DDX41: variants seen among roughly 807,000 people sequenced by gnomAD.
DDX41 encodes DEAD-box helicase 41, also known as probable ATP-dependent RNA helicase DDX41.
Under a neutral mutation model 78.8 loss-of-function variants are expected in DDX41, and 50 were observed. The observed-to-expected ratio is 0.63, with a 90% CI of 0.51 to 0.80. The LOEUF (loss-of-function observed/expected upper bound fraction) is 0.80. DDX41 is among the 30% of genes least tolerant of loss of function. The probability of loss-of-function intolerance (pLI) is 0.00; values close to 1 mark genes in which losing one functional copy is unlikely to be tolerated. For synonymous variants in DDX41, 381 were observed against 321.5 expected, an observed-to-expected ratio of 1.19 and a Z score of -1.98; for missense variants, 633 against 849.2, an observed-to-expected ratio of 0.75 and a Z score of 3.16.
In DDX41 at chr5:177,513,669, C is replaced by T. The variant is rs763267317; in HGVS notation, c.1098+16G>A. On this transcript the variant is annotated intron_variant, in intron 10 of 16. Transcript: ENST00000330503. The surrounding 1 kb of genome is among the most constrained non-coding windows in gnomAD (Gnocchi z 4.6). The stretch of plus-strand genomic sequence containing the variant: ...GGGGGGCGGTGCAGGGTGCCCTGGC[C>T]GGGCGGGGGCGGCACCTTGAAGTAG... The T allele has an allele frequency of 6.2e-6, 10 of 1,612,430 alleles. No individual in the cohort carries two copies. The East Asian group carries it at 8.9e-5, about 14-fold the overall frequency.
chr5:177,514,134 G>A lies in DDX41; in HGVS notation c.936-287C>T, dbSNP rs1168949917. 1.5e-5 allele frequency: 9 copies of A among 603,860 alleles called. No individual in the cohort carries two copies. The highest frequency in any genetic ancestry group is 3.5e-5 in the East Asian group (1 of 28,230). The allele number at this position is 603,860 out of a possible 1,614,324, so 37.4% of individuals were successfully genotyped here. A position where few individuals can be genotyped will look rare whatever the true frequency, so the allele number is the denominator to read the frequency against. ...GCTCCAGAGGCTTTACTCTGGGCTCGCTTTCCTGGCCCACTGGCTTCACCT... is the reference window on the plus strand; with the variant it reads ...GCTCCAGAGGCTTTACTCTGGGCTCACTTTCCTGGCCCACTGGCTTCACCT... On this transcript the variant is annotated intron_variant, in intron 9 of 16. Transcript: ENST00000330503. The surrounding 1 kb of genome is among the most constrained non-coding windows in gnomAD (Gnocchi z 4.2).
Position 177,516,842 on chromosome 5 carries a change from G to C in DDX41, c.28-7C>G, listed in dbSNP as rs770723513. ...CCTCGTCGGTGCGAGCCCGCTGCAA[G>C]CACACGCCAGTCAGGCACGGCCTGC... On this transcript the variant is annotated splice_polypyrimidine_tract_variant and splice_region_variant and intron_variant, in intron 1 of 16. Coordinates refer to ENST00000330503, the MANE Select transcript of DDX41 (RefSeq NM_016222.4). 2.5e-6 allele frequency: 4 copies of C among 1,612,978 alleles called. No individual in the cohort carries two copies. Among genetic ancestry groups the C allele is most frequent in the Non-Finnish European group, 3.4e-6 (4 of 1,179,946 alleles).
Position 177,515,186 on chromosome 5 carries a change from A to G in DDX41, c.644T>C (p.Ile215Thr), listed in dbSNP as rs369566052. The G allele has an allele frequency of 4.0e-5, 65 of 1,613,810 alleles. No individual in the cohort carries two copies. The highest frequency in any genetic ancestry group is 5.0e-5 in the Non-Finnish European group (59 of 1,180,006). Residue 215 changes from isoleucine to threonine, a missense_variant and splice_region_variant, in exon 7 of 17, where the codon ATT becomes ACT. Physicochemically the swap from Ile to Thr is moderately conservative, Grantham distance 89. This residue lies in a region of DDX41 where 126 missense variants were observed against 115.5 expected (regional missense o/e 1.09). Transcript: ENST00000330503. The stretch of plus-strand genomic sequence containing the variant: ...CCCCAGGTCCACAGTCCACACTCAC[A>G]TGGTGGGGATGCCCTGGATCTGAAT... ...TPIQIQGIPT[I>T]LSGRDMIGIA...
chr5:177,516,961 T>G lies in DDX41; in HGVS notation c.-16A>C. 2 of 1,607,318 alleles carry G rather than the reference T, an allele frequency of 1.2e-6. No homozygotes were observed. The highest frequency in any genetic ancestry group is 1.7e-6 in the Non-Finnish European group (2 of 1,175,408). On this transcript the variant is annotated 5_prime_UTR_variant, in exon 1 of 17. An upstream start codon of the reference 5' UTR is lost. Coordinates refer to ENST00000330503, the MANE Select transcript of DDX41 (RefSeq NM_016222.4). ...ACTCCTCCATTCTTTGCTGCACGCA[T>G]GCGCGCCACGGCGAAACCCCGCCTC... is the stretch of plus-strand genomic sequence containing the variant.
Position 177,513,014 on chromosome 5 carries a change from CG to C in DDX41, c.1298del (p.Pro433ArgfsTer28). 6.2e-7 allele frequency: 1 copy of C among 1,613,610 alleles called. No homozygotes were observed. The highest frequency in any genetic ancestry group is 8.5e-7 in the Non-Finnish European group (1 of 1,179,758). The part of the protein sequence containing the change: ...YLLECLQKTP[P>X]PVLIFAEKKA... ...GGCCTGGCCTGGCTGCACTCACAGGCGGGGGTGTCTTCTGCAGGCACTCGAG... is the reference window on the plus strand; with the variant it reads ...GGCCTGGCCTGGCTGCACTCACAGGCGGGGTGTCTTCTGCAGGCACTCGAG... On this transcript the variant is annotated frameshift_variant, in exon 12 of 17. Coordinates refer to ENST00000330503, the MANE Select transcript of DDX41 (RefSeq NM_016222.4). LOFTEE classifies it high-confidence loss of function. This position sits in a 1 kb window ranked among gnomAD's most constrained non-coding sequence, Gnocchi z 4.6.
In DDX41 at chr5:177,513,470, G is replaced by A. The variant is rs1561732148; in HGVS notation, c.1113C>T (p.Thr371=). 16 of 1,614,180 alleles carry A rather than the reference G, an allele frequency of 9.9e-6. No homozygotes were observed. The highest frequency in any genetic ancestry group is 2.2e-5 in the East Asian group (1 of 44,882). Residue 371 remains threonine (T), a synonymous_variant, in exon 11 of 17, where the codon ACC becomes ACT. Transcript: ENST00000330503. The surrounding 1 kb of genome is among the most constrained non-coding windows in gnomAD (Gnocchi z 4.6). ...IFSYFKGQRQ[T]LLFSATMPKK... is the part of the protein sequence containing the mutation. ...TCGGCATGGTGGCACTGAAGAGCAG[G>A]GTCTGTCGCTGGCCCTGAGGAAGAG...
Position 177,513,670 on chromosome 5 carries a change from G to A in DDX41, c.1098+15C>T, listed in dbSNP as rs565931751. 14 of 1,612,850 alleles carry A rather than the reference G, an allele frequency of 8.7e-6. No homozygotes were observed. Among genetic ancestry groups the A allele is most frequent in the East Asian group, 4.5e-5 (2 of 44,868 alleles). The stretch of plus-strand genomic sequence containing the variant: ...GGGGGCGGTGCAGGGTGCCCTGGCC[G>A]GGCGGGGGCGGCACCTTGAAGTAGG... On this transcript the variant is annotated intron_variant, in intron 10 of 16. Transcript: ENST00000330503. This position sits in a 1 kb window ranked among gnomAD's most constrained non-coding sequence, Gnocchi z 4.6.
rs1471220580 is a variant in DDX41 at position 177,514,413 on chromosome 5, C to T, written c.935+288G>A. The T allele has an allele frequency of 9.5e-6, 5 of 524,536 alleles. No individual in the cohort carries two copies. The Admixed American group carries it at 1.3e-4, about 13-fold the overall frequency. 32.5% of individuals were successfully genotyped at this position (524,536 alleles called of 1,614,324 possible). On this transcript the variant is annotated intron_variant, in intron 9 of 16. Coordinates refer to ENST00000330503, the MANE Select transcript of DDX41 (RefSeq NM_016222.4). This position sits in a 1 kb window ranked among gnomAD's most constrained non-coding sequence, Gnocchi z 4.2. ...TCTGTGCTTTCAGCCTGGACTGCCCCTCTTCCCAATTCAAATGTCACCTTC... is the reference window on the plus strand; with the variant it reads ...TCTGTGCTTTCAGCCTGGACTGCCCTTCTTCCCAATTCAAATGTCACCTTC...
chr5:177,516,513 C>T, intron 2 of DDX41, 66 bp from the exon 3 acceptor site: 1 of 1,591,118 alleles, frequency 6.3e-7, no homozygotes, highest in Non-Finnish European at 8.6e-7. Context: ...CGTCAGGATC[C>T]TGGCTTTGGG....
At position 177,514,637 on chromosome 5, in the gene DDX41, T is replaced by A; in HGVS notation, c.935+64A>T. The A allele has an allele frequency of 6.4e-7, 1 of 1,557,166 alleles. No individual in the cohort carries two copies. Among genetic ancestry groups the A allele is most frequent in the Non-Finnish European group, 8.7e-7 (1 of 1,151,104 alleles). Reference sequence around the variant, plus strand: ...TCTGTGGAGTGGCTAAGGTAAAGGGTCCTTTAGCTTTTCCACAGACTCGCA... The same window carrying A: ...TCTGTGGAGTGGCTAAGGTAAAGGGACCTTTAGCTTTTCCACAGACTCGCA... On this transcript the variant is annotated intron_variant, in intron 9 of 16. Coordinates refer to ENST00000330503, the MANE Select transcript of DDX41 (RefSeq NM_016222.4). This position sits in a 1 kb window ranked among gnomAD's most constrained non-coding sequence, Gnocchi z 4.2.
intron 2 of DDX41, 75 bp downstream of exon 2, chr5:177,516,650 G>C (rs1179041177): frequency 6.8e-7 from 1 of 1,480,000 alleles, no homozygotes; most frequent in Non-Finnish European, 9.2e-7. Context: ...TCCTCCCCAC[G>C]GAGGCCGAGG....
At position 177,516,750 on chromosome 5, in the gene DDX41, G is replaced by C. The variant is rs11555633; in HGVS notation, c.113C>G (p.Pro38Arg). 8.7e-6 allele frequency: 14 copies of C among 1,609,806 alleles called. No individual in the cohort carries two copies. The highest frequency in any genetic ancestry group is 2.2e-5 in the South Asian group (2 of 90,632). The change falls in exon 2 of 17, where the codon CCG becomes CGG. Residue 38 changes from proline to arginine, a missense_variant. This residue lies in a region of DDX41 where 140 missense variants were observed against 115.2 expected (regional missense o/e 1.22). Transcript: ENST00000330503. ...CAGTAGCTGCCGGCGCTGCCGTAAC[G>C]GCACATAGGGCACGTAGTCCTCGTC... is the stretch of plus-strand genomic sequence containing the variant. ...EDDEDYVPYV[P>R]LRQRRQLLLQ...
rs747672157 is a variant in DDX41 at position 177,513,478 on chromosome 5, G to A, written c.1105C>T (p.Arg369Ter). The change falls in exon 11 of 17, where the codon CGA (arginine) becomes TGA (stop). Residue 369 changes from arginine to a stop codon, truncating the protein, a stop_gained. Coordinates refer to ENST00000330503, the MANE Select transcript of DDX41 (RefSeq NM_016222.4). LOFTEE classifies it high-confidence loss of function. The surrounding 1 kb of genome is among the most constrained non-coding windows in gnomAD (Gnocchi z 4.6). Reference sequence around the variant, plus strand: ...GTGGCACTGAAGAGCAGGGTCTGTCGCTGGCCCTGAGGAAGAGGGGGGCTG... The same window carrying A: ...GTGGCACTGAAGAGCAGGGTCTGTCACTGGCCCTGAGGAAGAGGGGGGCTG... ...RTIFSYFKGQ[R>*]QTLLFSATMP... 14 of 1,614,024 alleles carry A rather than the reference G, an allele frequency of 8.7e-6. No homozygotes were observed. The highest frequency in any genetic ancestry group is 2.7e-5 in the African/African-American group (2 of 74,928).
In DDX41 at chr5:177,515,522, T is replaced by A. The variant is rs759975307; in HGVS notation, c.571+163A>T. 6 of 968,436 alleles carry A rather than the reference T, an allele frequency of 6.2e-6. No individual in the cohort carries two copies. The East Asian group carries it at 1.4e-4, about 23-fold the overall frequency. The allele number at this position is 968,436 out of a possible 1,614,324, so 60.0% of individuals were successfully genotyped here. ...GTAACAGCAGAGAACAATGAACACG[T>A]ACAGCTGAGGCAACAAGGAACCTAA... is the stretch of plus-strand genomic sequence containing the variant. On this transcript the variant is annotated intron_variant, in intron 6 of 16. Coordinates refer to ENST00000330503, the MANE Select transcript of DDX41 (RefSeq NM_016222.4).
chr5:177,516,508 G>T (rs1220878661), intron 2 of DDX41, 61 bp from the exon 3 acceptor site: 6 of 1,595,306 alleles, frequency 3.8e-6, no homozygotes, highest in Non-Finnish European at 5.1e-6. Flanking sequence ...GTCAGCGTCA[G>T]GATCCTGGCT....
chr5:177,513,057 G>A lies in DDX41; in HGVS notation c.1256C>T (p.Ala419Val). ...IQEVEYVKEE[A>V]KMVYLLECLQ... ...GCACTCGAGCAGGTACACCATCTTG[G>A]CCTCCTCCTTCACATATTCTACCTC... Residue 419 changes from alanine (A) to valine (V), a missense_variant, in exon 12 of 17, where the codon GCC becomes GTC. Ala to Val is a moderately conservative substitution (Grantham distance 64). Around this residue, in one of 6 missense-constraint regions of DDX41, gnomAD observed 185 missense variants for 367.4 expected, o/e 0.50. Transcript: ENST00000330503. This position sits in a 1 kb window ranked among gnomAD's most constrained non-coding sequence, Gnocchi z 4.6. 6.2e-7 allele frequency: 1 copy of A among 1,613,930 alleles called. No individual in the cohort carries two copies. The highest frequency in any genetic ancestry group is 8.5e-7 in the Non-Finnish European group (1 of 1,179,934).
chr5:177,515,382 G>T, intron 6 of DDX41, 124 bp from the exon 7 acceptor site: 2 of 1,017,660 alleles, frequency 2.0e-6, no homozygotes, highest in Non-Finnish European at 1.5e-6. Context: ...GAGAGAGAGA[G>T]AGAGAGTGGA....
rs1318744852 is a variant in DDX41 at position 177,513,766 on chromosome 5, G to A, written c.1017C>T (p.Arg339=). The change falls in exon 10 of 17, where the codon CGC becomes CGT. Residue 339 remains arginine (R), a synonymous_variant. Transcript: ENST00000330503. The surrounding 1 kb of genome is among the most constrained non-coding windows in gnomAD (Gnocchi z 4.6). ...GGTCAGCCTCGTCCAGGGCCAGGTA[G>A]CGACAGATGTCTAGGCTGACCATCT... ...QKKMVSLDIC[R]YLALDEADRM... 1.2e-6 allele frequency: 2 copies of A among 1,613,940 alleles called. No individual in the cohort carries two copies. The highest frequency in any genetic ancestry group is 1.7e-6 in the Non-Finnish European group (2 of 1,180,028).
In DDX41 at chr5:177,513,258, C is replaced by A; in HGVS notation, c.1230+95G>T. ...GGCTTTGAATGAAACCCCCGGTTCC[C>A]ACAAGGTGGACCCCCGGCTCCAATC... On this transcript the variant is annotated intron_variant, in intron 11 of 16. Coordinates refer to ENST00000330503, the MANE Select transcript of DDX41 (RefSeq NM_016222.4). The surrounding 1 kb of genome is among the most constrained non-coding windows in gnomAD (Gnocchi z 4.6). The A allele has an allele frequency of 6.3e-7, 1 of 1,582,116 alleles. No homozygotes were observed. The highest frequency in any genetic ancestry group is 1.1e-5 in the South Asian group (1 of 87,490).
Sources: allele counts gnomAD v4.1 joint callset, GRCh38; gene constraint gnomAD v4.1.1; regional missense constraint gnomAD v4.1.1; non-coding constraint Gnocchi (gnomAD v3.1); transcripts MANE v1.5; gene names NCBI Gene and HGNC (gene_info 2026-07-23, HGNC 2026-07-21).